Variants in RPSA2 observed in about 807,000 individuals in gnomAD.
The protein encoded by RPSA2 is ribosomal protein SA 2.
the RPSA2 span, among the ~76,000 whole-genome samples, chr19:23,794,330 G>T: frequency 6.6e-6 from 1 of 152,168 alleles, no homozygotes; most frequent in African/African-American, 2.4e-5. Context: ...CAGTGTATAA[G>T]TATTCCCTTT....
At chr19:23,788,951 A>G in the RPSA2 span, among the ~76,000 whole-genome samples, 90 of 149,364 alleles carry the variant, frequency 6.0e-4, no homozygotes, top group African/African-American at 2.1e-3. Flanking sequence ...GCTTTGTAAC[A>G]TATCACTGGG....
the RPSA2 span, among the ~76,000 whole-genome samples, chr19:23,787,884 A>T: frequency 6.6e-6 from 1 of 152,116 alleles, no homozygotes; most frequent in African/African-American, 2.4e-5. Context: ...CCCATAGATG[A>T]TATGAGTTTT....
At chr19:23,832,686 T>C in the RPSA2 span, 1 of 1,487,886 alleles carries the variant, frequency 6.7e-7, no homozygotes, top group South Asian at 1.1e-5. Flanking sequence ...CCCTAACTGG[T>C]CATAAGAGGA....
chr19:23,799,644 T>TGC, the RPSA2 span, among the ~76,000 whole-genome samples: 46,918 of 49,814 alleles, frequency 0.94, 22,760 homozygotes, highest in Middle Eastern at 1. Context: ...GAAGCCGGAG[T>TGC]ACTGTAACCC....
At chr19:23,823,376 C>T in the RPSA2 span, among the ~76,000 whole-genome samples, 1 of 152,126 alleles carries the variant, frequency 6.6e-6, no homozygotes, top group Non-Finnish European at 1.5e-5. Flanking sequence ...CTCACAATTA[C>T]TAAATTGTGG....
At chr19:23,836,175 G>A in the RPSA2 span, among the ~76,000 whole-genome samples, 1 of 151,918 alleles carries the variant, frequency 6.6e-6, no homozygotes, top group East Asian at 1.9e-4. Flanking sequence ...TGTCCCCAAA[G>A]TCCATTGTAT....
At chr19:23,772,861 C>A in the RPSA2 span, among the ~76,000 whole-genome samples, 2 of 152,150 alleles carry the variant, frequency 1.3e-5, no homozygotes, top group Admixed American at 6.5e-5. Flanking sequence ...CAAACCCAAC[C>A]AACTGGAGAG....
At chr19:23,776,334 A>T in the RPSA2 span, among the ~76,000 whole-genome samples, 13 of 152,128 alleles carry the variant, frequency 8.5e-5, no homozygotes, top group African/African-American at 2.9e-4. Context: ...TGCTTTCCAC[A>T]TGGGGCATTT....
chr19:23,825,191 G>T, the RPSA2 span, among the ~76,000 whole-genome samples: 4 of 152,066 alleles, frequency 2.6e-5, no homozygotes, highest in Admixed American at 6.6e-5. Flanking sequence ...TGTTAGCCAG[G>T]ATGGGCTTGA....
chr19:23,832,091 C>T, the RPSA2 span: 1 of 457,900 alleles, frequency 2.2e-6, no homozygotes, highest in South Asian at 1.7e-5. Flanking sequence ...AAGCAACACT[C>T]AACCCTTACT....
chr19:23,826,353 T>C, the RPSA2 span, among the ~76,000 whole-genome samples: 2 of 151,982 alleles, frequency 1.3e-5, no homozygotes, highest in Non-Finnish European at 2.9e-5. Flanking sequence ...TCACCATGCC[T>C]GGCTAATTTT....
the RPSA2 span, among the ~76,000 whole-genome samples, chr19:23,824,827 A>ATTT: frequency 4.2e-4 from 63 of 150,214 alleles, no homozygotes; most frequent in East Asian, 9.8e-4. Flanking sequence ...TTGGTTAGAA[A>ATTT]TTTTTTTTTA....
At chr19:23,804,758 T>G in the RPSA2 span, among the ~76,000 whole-genome samples, 8 of 152,182 alleles carry the variant, frequency 5.3e-5, 1 homozygote, top group Non-Finnish European at 2.9e-5. Flanking sequence ...ATAAGCTCAT[T>G]AAAGCTTGAG....
At chr19:23,786,663 C>A in the RPSA2 span, among the ~76,000 whole-genome samples, 1 of 152,130 alleles carries the variant, frequency 6.6e-6, no homozygotes, top group African/African-American at 2.4e-5. Flanking sequence ...ACTCAATGTC[C>A]ATCACCATAC....
the RPSA2 span, among the ~76,000 whole-genome samples, chr19:23,810,873 G>T: frequency 2.6e-5 from 4 of 152,128 alleles, no homozygotes; most frequent in African/African-American, 7.2e-5. Context: ...TTTCTTGTCT[G>T]TAGCCAACAA....
chr19:23,762,592 T>C, the RPSA2 span, among the ~76,000 whole-genome samples: 9,379 of 150,978 alleles, frequency 0.062, 316 homozygotes, highest in African/African-American at 0.07. Flanking sequence ...AAGAAAATCA[T>C]TTGAACCTGG....
chr19:23,849,968 C>A, the RPSA2 span, among the ~76,000 whole-genome samples: 16 of 152,098 alleles, frequency 1.1e-4, no homozygotes, highest in Admixed American at 1.0e-3. Context: ...CCAAATGTCC[C>A]GGTTCTCTTG....
the RPSA2 span, among the ~76,000 whole-genome samples, chr19:23,852,036 T>A: frequency 2.6e-5 from 4 of 152,178 alleles, no homozygotes; most frequent in East Asian, 7.7e-4. Flanking sequence ...AACACCACTC[T>A]ACTAAATCAT....
chr19:23,761,025 A>T, the RPSA2 span, among the ~76,000 whole-genome samples: 1 of 113,218 alleles, frequency 8.8e-6, no homozygotes, highest in East Asian at 3.0e-4. Flanking sequence ...GTATATATAT[A>T]TACACATATA....
Sources: gnomAD v4.1 joint callset for allele counts (sites outside exome capture counted in the v4.1 genomes callset) on GRCh38, gnomAD v4.1.1 for gene constraint, MANE v1.5 for transcripts, NCBI Gene and HGNC (gene_info 2026-07-23, HGNC 2026-07-21) for gene names.